Variants in CALCOCO1 observed in about 807,000 individuals in gnomAD.
CALCOCO1 encodes the protein calcium binding and coiled-coil domain 1.
A neutral mutation model predicts 86.3 loss-of-function variants in CALCOCO1; 44 were observed. The ratio of observed to expected loss-of-function variants is 0.51; its 90% CI spans 0.40 to 0.66. The LOEUF is 0.66. Ranked by LOEUF, CALCOCO1 falls within the 30% of genes least tolerant of loss-of-function variation. The pLI, the probability that CALCOCO1 is intolerant of heterozygous loss-of-function variation, is 0.00. For synonymous variants in CALCOCO1, 297 were observed against 327.6 expected, an observed-to-expected ratio of 0.91 and a Z score of 1.01; for missense variants, 708 against 851.1, an observed-to-expected ratio of 0.83 and a Z score of 2.09.
At chr12:53,718,272 A>G (rs562759025) in intron 7 of CALCOCO1, among the ~76,000 whole-genome samples, 1 of 152,304 alleles carries the variant, frequency 6.6e-6, no homozygotes, top group East Asian at 1.9e-4. Flanking sequence ...AAATACGGAA[A>G]TACATTAGTT....
At position 53,722,079 on chromosome 12, in the gene CALCOCO1, C is replaced by T. The variant is rs1565648701; in HGVS notation, c.555G>A (p.Glu185=). 6 of 1,613,934 alleles carry T rather than the reference C, an allele frequency of 3.7e-6. No homozygotes were observed. Among genetic ancestry groups the T allele is most frequent in the Non-Finnish European group, 5.1e-6 (6 of 1,180,042 alleles). The change falls in exon 5 of 15, where the codon GAG becomes GAA. Residue 185 remains glutamate, a synonymous_variant. Coordinates refer to ENST00000550804, the MANE Select transcript of CALCOCO1 (RefSeq NM_020898.3). ...TELRSRVQEL[E]RALATARQEH... ...CCTGCCTGGCAGTTGCCAGAGCCCT[C>T]TCGAGCTCCTGCACTCGGCTCCTCA...
intron 10 of CALCOCO1, 32 bp from the exon 11 acceptor site, chr12:53,714,725 C>G: frequency 6.6e-7 from 1 of 1,525,930 alleles, no homozygotes; most frequent in Non-Finnish European, 9.1e-7. Flanking sequence ...GAATCTGGAG[C>G]CTAGAATGTA....
intron 7 of CALCOCO1, 21 bp from the exon 8 acceptor site, chr12:53,716,436 G>GT: frequency 6.2e-7 from 1 of 1,614,088 alleles, no homozygotes; most frequent in Non-Finnish European, 8.5e-7. Context: ...TGGAAAGCAG[G>GT]TAAGGAAAGG....
At chr12:53,723,367 T>C (rs1198551097) in intron 4 of CALCOCO1, among the ~76,000 whole-genome samples, 2 of 152,224 alleles carry the variant, frequency 1.3e-5, no homozygotes, top group African/African-American at 4.8e-5. Context: ...AAAGTTCTTA[T>C]GAAATCCTGA....
rs1258808216 is a variant in CALCOCO1, at chr12:53,716,267, T to C, written c.998A>G (p.Gln333Arg). The C allele has an allele frequency of 1.2e-6, 2 of 1,613,962 alleles. No homozygotes were observed. Among genetic ancestry groups the C allele is most frequent in the East Asian group, 4.5e-5 (2 of 44,888 alleles). Residue 333 changes from glutamine (Q) to arginine (R), a missense_variant, in exon 8 of 15, where the codon CAG becomes CGG. Transcript: ENST00000550804. ...QMKDTLGQAQQRVAELEPLKE... is the reference protein window; with the variant it reads ...QMKDTLGQAQRRVAELEPLKE... ...CCAAGGGGCCTCACTCACCACCCGC[T>C]GCTGGGCCTGGCCTAGGGTGTCCTT... is the stretch of plus-strand genomic sequence containing the variant.
chr12:53,720,218 G>T (rs538211031), intron 6 of CALCOCO1, among the ~76,000 whole-genome samples: 2 of 152,150 alleles, frequency 1.3e-5, no homozygotes, highest in South Asian at 4.2e-4. Context: ...TGATAGTAAA[G>T]ATTTTATGCT....
rs1048170079 is a variant in CALCOCO1, at chr12:53,711,969, G to T, written c.2051C>A (p.Thr684Asn). Residue 684 changes from threonine to asparagine, a missense_variant, in exon 15 of 15, where the codon ACC (threonine) becomes AAC (asparagine). Physicochemically the swap from Thr to Asn is moderately conservative, Grantham distance 65. Coordinates refer to ENST00000550804, the MANE Select transcript of CALCOCO1 (RefSeq NM_020898.3). ...TCACTCAAAGGTGAAGGGGTCCTGG[G>T]TGCTGAAAAAGAAGTGTCCATCCAT... ...DHMDGHFFFS[T>N]QDPFTFE The T allele has an allele frequency of 1.3e-6, 2 of 1,589,464 alleles. No individual in the cohort carries two copies. The highest frequency in any genetic ancestry group is 1.7e-6 in the Non-Finnish European group (2 of 1,168,540).
At position 53,721,551 on chromosome 12, in the gene CALCOCO1, T is replaced by C; in HGVS notation, c.674A>G (p.Asp225Gly). Residue 225 changes from aspartate to glycine, a missense_variant, in exon 6 of 15, where the codon GAC (aspartate) becomes GGC (glycine). Transcript: ENST00000550804. Reference protein sequence around the residue: ...ERDILSRQQGDHVARILELED... With the variant: ...ERDILSRQQGGHVARILELED... Reference sequence around the variant, plus strand: ...TAGCTCCAGGATGCGTGCCACATGGTCTCCCTGTTGCCGGCTCAGGATGTC... The same window carrying C: ...TAGCTCCAGGATGCGTGCCACATGGCCTCCCTGTTGCCGGCTCAGGATGTC... 1 of 1,613,774 alleles carries C rather than the reference T, an allele frequency of 6.2e-7. No homozygotes were observed. Among genetic ancestry groups the C allele is most frequent in the Middle Eastern group, 1.7e-4 (1 of 6,056 alleles).
rs12309211 is a variant in CALCOCO1, at chr12:53,710,248, G to A, written c.*1696C>T. 85,937 of 152,006 alleles carry A rather than the reference G, an allele frequency of 0.57. 24,463 individuals are homozygous for A. Among genetic ancestry groups the A allele is most frequent in the African/African-American group, 0.61 (25,366 of 41,392 alleles). The allele number at this position is 152,006 out of a possible 1,614,324, so 9.4% of individuals were successfully genotyped here. ...TTCCTTGGAAGGGATTCAGGGAACGGGATGGGGTTGCTAGGAGACGGAGAC... is the reference window on the plus strand; with the variant it reads ...TTCCTTGGAAGGGATTCAGGGAACGAGATGGGGTTGCTAGGAGACGGAGAC... On this transcript the variant is annotated 3_prime_UTR_variant, in exon 15 of 15. Coordinates refer to ENST00000550804, the MANE Select transcript of CALCOCO1 (RefSeq NM_020898.3).
In CALCOCO1 at chr12:53,710,931, G is replaced by A. The variant is rs1433667630; in HGVS notation, c.*1013C>T. 3.8e-6 allele frequency: 1 copy of A among 262,918 alleles called. No homozygotes were observed. Among genetic ancestry groups the A allele is most frequent in the Non-Finnish European group, 7.1e-6 (1 of 141,318 alleles). 16.3% of individuals were successfully genotyped at this position (262,918 alleles called of 1,614,324 possible). A position where few individuals can be genotyped will look rare whatever the true frequency, so the allele number is the denominator to read the frequency against. ...TTATCCAAGCCAGACTCCCACTTGA[G>A]ACAACCCACTCATGGCCAGCACACC... On this transcript the variant is annotated 3_prime_UTR_variant, in exon 15 of 15. Coordinates refer to ENST00000550804, the MANE Select transcript of CALCOCO1 (RefSeq NM_020898.3).
At chr12:53,713,309 G>T in intron 13 of CALCOCO1, 103 bp from the exon 14 acceptor site, 1 of 902,014 alleles carries the variant, frequency 1.1e-6, no homozygotes, top group Non-Finnish European at 1.8e-6. Flanking sequence ...CTAGGACAGT[G>T]ACCTGAGGGG....
At position 53,711,008 on chromosome 12, in the gene CALCOCO1, G is replaced by A. The variant is rs751856367; in HGVS notation, c.*936C>T. ...CCAGCATCCCCTGCCATGAGGCAGG[G>A]ATGCGTCCCCTCTTTCCCTCCTCCC... On this transcript the variant is annotated 3_prime_UTR_variant, in exon 15 of 15. Coordinates refer to ENST00000550804, the MANE Select transcript of CALCOCO1 (RefSeq NM_020898.3). 3.8e-4 allele frequency: 135 copies of A among 359,136 alleles called. No individual in the cohort carries two copies. Among genetic ancestry groups the A allele is most frequent in the Admixed American group, 1.4e-3 (31 of 21,416 alleles). 22.2% of individuals were successfully genotyped at this position (359,136 alleles called of 1,614,324 possible). A position where few individuals can be genotyped will look rare whatever the true frequency, so the allele number is the denominator to read the frequency against.
At chr12:53,712,278 A>G (rs1371128674) in intron 14 of CALCOCO1, 157 bp from the exon 15 acceptor site, 4 of 623,764 alleles carry the variant, frequency 6.4e-6, no homozygotes, top group Admixed American at 3.2e-5. Flanking sequence ...TCTCCCCACA[A>G]TCCTGGAAGG....
Position 53,715,309 on chromosome 12 carries a change from ATCTT to A in CALCOCO1, c.1273_1276del (p.Lys425SerfsTer2). 6.2e-7 allele frequency: 1 copy of A among 1,614,150 alleles called. No individual in the cohort carries two copies. Among genetic ancestry groups the A allele is most frequent in the Non-Finnish European group, 8.5e-7 (1 of 1,180,028 alleles). The stretch of plus-strand genomic sequence containing the variant: ...AAGTATCTCTGCACTCAGCTTCAGG[ATCTT>A]GTCCTTCTCTGCCTGAGAGATAGCC... On this transcript the variant is annotated frameshift_variant, in exon 10 of 15. Coordinates refer to ENST00000550804, the MANE Select transcript of CALCOCO1 (RefSeq NM_020898.3). LOFTEE classifies it high-confidence loss of function.
Position 53,713,122 on chromosome 12 carries a change from T to C in CALCOCO1, c.1876A>G (p.Ser626Gly), listed in dbSNP as rs777540340. 9 of 1,614,154 alleles carry C rather than the reference T, an allele frequency of 5.6e-6. No homozygotes were observed. The highest frequency in any genetic ancestry group is 7.6e-6 in the Non-Finnish European group (9 of 1,180,004). The change falls in exon 14 of 15, where the codon AGT (serine) becomes GGT (glycine). Residue 626 changes from serine (S) to glycine (G), a missense_variant. Coordinates refer to ENST00000550804, the MANE Select transcript of CALCOCO1 (RefSeq NM_020898.3). ...CACCTGGCCATGTCATAGAAGGCAC[T>C]GCCCAGTTCAGGAAGCAGTAAGTTG... ...EANLLLPELG[S>G]AFYDMASGFT...
intron 5 of CALCOCO1, 63 bp downstream of exon 5, chr12:53,721,962 G>C: frequency 6.3e-7 from 1 of 1,583,980 alleles, no homozygotes; most frequent in African/African-American, 1.3e-5. Context: ...CTCTTCACTG[G>C]GTTCAGATTT....
At chr12:53,725,316 C>T in intron 1 of CALCOCO1, 50 bp from the exon 2 acceptor site, 2 of 1,268,596 alleles carry the variant, frequency 1.6e-6, no homozygotes, top group Admixed American at 2.7e-5. Context: ...CCACCTCCTT[C>T]CCCCCACAGC....
Position 53,716,262 on chromosome 12 carries a change from C to T in CALCOCO1, c.1003G>A (p.Val335Met). The T allele has an allele frequency of 1.9e-6, 3 of 1,613,842 alleles. No homozygotes were observed. Among genetic ancestry groups the T allele is most frequent in the Non-Finnish European group, 2.5e-6 (3 of 1,179,890 alleles). ...TGTTGCCAAGGGGCCTCACTCACCA[C>T]CCGCTGCTGGGCCTGGCCTAGGGTG... is the stretch of plus-strand genomic sequence containing the variant. ...KDTLGQAQQR[V>M]AELEPLKEQL... Residue 335 changes from valine to methionine, a missense_variant and splice_region_variant, in exon 8 of 15, where the codon GTG becomes ATG. Val to Met is a conservative substitution (Grantham distance 21, BLOSUM62 1). Coordinates refer to ENST00000550804, the MANE Select transcript of CALCOCO1 (RefSeq NM_020898.3).
In CALCOCO1 at chr12:53,708,991, A is replaced by G. The variant is rs1385911030; in HGVS notation, c.*2953T>C. 3 of 152,240 alleles carry G rather than the reference A, an allele frequency of 2.0e-5. No individual in the cohort carries two copies. The highest frequency in any genetic ancestry group is 2.9e-5 in the Non-Finnish European group (2 of 68,050). The allele number at this position is 152,240 out of a possible 1,614,324, so 9.4% of individuals were successfully genotyped here. Reference sequence around the variant, plus strand: ...CCCTGACTGGCACACTAAGCAATCTACATTTCTCATTCCTGTAGGTAACAG... The same window carrying G: ...CCCTGACTGGCACACTAAGCAATCTGCATTTCTCATTCCTGTAGGTAACAG... On this transcript the variant is annotated 3_prime_UTR_variant, in exon 15 of 15. Coordinates refer to ENST00000550804, the MANE Select transcript of CALCOCO1 (RefSeq NM_020898.3).
Sources: allele counts gnomAD v4.1 joint callset (sites outside exome capture counted in the v4.1 genomes callset), GRCh38; gene constraint gnomAD v4.1.1; transcripts MANE v1.5; gene names NCBI Gene and HGNC (gene_info 2026-07-23, HGNC 2026-07-21).